The following IGSF3 variants were observed in gnomAD, a reference collection of about 807,000 sequenced individuals.
IGSF3 encodes glu-Trp-Ile EWI motif-containing protein 3.
A neutral mutation model predicts 114.4 loss-of-function variants in IGSF3; 23 were observed. The ratio of observed to expected loss-of-function variants is 0.20; its 90% CI spans 0.14 to 0.28. The LOEUF is 0.28. Among genes scored for constraint, IGSF3 ranks in the 10% least tolerant of loss-of-function variants. The pLI, the probability that IGSF3 is intolerant of heterozygous loss-of-function variation, is 1.00. For synonymous variants in IGSF3, 571 were observed against 645.2 expected, an observed-to-expected ratio of 0.88 and a Z score of 1.74; for missense variants, 1,172 against 1,591.5, an observed-to-expected ratio of 0.74 and a Z score of 4.48.
chr1:116,611,762 T>C (rs1661031666), intron 4 of IGSF3, among the ~76,000 whole-genome samples: 1 of 152,114 alleles, frequency 6.6e-6, no homozygotes, highest in Admixed American at 6.5e-5. Context: ...GCAAGAACAC[T>C]TCCTATTTCC....
chr1:116,589,000 G>A lies in IGSF3; in HGVS notation c.2134C>T (p.His712Tyr). 1.2e-6 allele frequency: 2 copies of A among 1,614,178 alleles called. No homozygotes were observed. The highest frequency in any genetic ancestry group is 1.7e-6 in the Non-Finnish European group (2 of 1,180,004). The change falls in exon 8 of 11, where the codon CAC (histidine) becomes TAC (tyrosine). Residue 712 changes from histidine to tyrosine, a missense_variant. His to Tyr is a moderately conservative substitution (Grantham distance 83). This residue lies in a region of IGSF3 where 736 missense variants were observed against 1,042.0 expected (regional missense o/e 0.71). Transcript: ENST00000369486. This position sits in a 1 kb window ranked among gnomAD's most constrained non-coding sequence, Gnocchi z 4.9. Reference protein sequence around the residue: ...SVKSQTSQNSHFAVLWYVHKP... With the variant: ...SVKSQTSQNSYFAVLWYVHKP... The stretch of plus-strand genomic sequence containing the variant: ...TGGACATACCAGAGCACCGCAAAGT[G>A]GGAGTTCTGGCTAGTCTGAGACTTG...
intron 10 of IGSF3, among the ~76,000 whole-genome samples, chr1:116,578,550 G>A (rs1006480266): frequency 2.6e-5 from 4 of 152,142 alleles, no homozygotes; most frequent in Admixed American, 6.5e-5. Context: ...ATGTGAGCAC[G>A]GGGTGATCAA....
Position 116,595,489 on chromosome 1 carries a change from A to G in IGSF3, c.2029+4452T>C, listed in dbSNP as rs923664596. Among the ~76,000 whole-genome samples the G allele has an allele frequency of 1.3e-5, 2 of 152,176 alleles. No homozygotes were observed. The highest frequency in any genetic ancestry group is 2.9e-5 in the Non-Finnish European group (2 of 68,040). Reference sequence around the variant, plus strand: ...CTCTGGACTCATGGAAGTCAAAGAAAAGCCCTCTGCTATCCCAATCTGCCG... The same window carrying G: ...CTCTGGACTCATGGAAGTCAAAGAAGAGCCCTCTGCTATCCCAATCTGCCG... On this transcript the variant is annotated intron_variant, in intron 7 of 10. Transcript: ENST00000369486. This position sits in a 1 kb window ranked among gnomAD's most constrained non-coding sequence, Gnocchi z 4.2.
Position 116,598,022 on chromosome 1 carries a change from A to G in IGSF3, c.2029+1919T>C, listed in dbSNP as rs572772989. Among the ~76,000 whole-genome samples, 2 of 152,262 alleles carry G rather than the reference A, an allele frequency of 1.3e-5. No individual in the cohort carries two copies. Among genetic ancestry groups the G allele is most frequent in the Non-Finnish European group, 2.9e-5 (2 of 68,046 alleles). ...ATATTTTTCCCTGTCTGCCTTTAGT[A>G]ACACCATAAACTAATCCAAATAATT... On this transcript the variant is annotated intron_variant, in intron 7 of 10. Transcript: ENST00000369486. The surrounding 1 kb of genome is among the most constrained non-coding windows in gnomAD (Gnocchi z 4.3).
Position 116,605,405 on chromosome 1 carries a change from T to C in IGSF3, c.1223-1380A>G, listed in dbSNP as rs1414060920. Among the ~76,000 whole-genome samples, 1 of 152,120 alleles carries C rather than the reference T, an allele frequency of 6.6e-6. No individual in the cohort carries two copies. Among genetic ancestry groups the C allele is most frequent in the African/African-American group, 2.4e-5 (1 of 41,432 alleles). On this transcript the variant is annotated intron_variant, in intron 5 of 10. Coordinates refer to ENST00000369486, the MANE Select transcript of IGSF3 (RefSeq NM_001007237.3). This position sits in a 1 kb window ranked among gnomAD's most constrained non-coding sequence, Gnocchi z 5.1. ...ATCCATTCTGGATTTGCTTGTTTTA[T>C]GTGAAAAATAAAAGGTCTGGATGGG...
rs1158662411 is a variant in IGSF3 at position 116,589,391 on chromosome 1, T to C, written c.2030-287A>G. On this transcript the variant is annotated intron_variant, in intron 7 of 10. Transcript: ENST00000369486. This position sits in a 1 kb window ranked among gnomAD's most constrained non-coding sequence, Gnocchi z 5.7. ...AAGGGTGATCCTGCTGAAATACAAA[T>C]CTAGCTATATCAGGTCTCTGCTTGA... Among the ~76,000 whole-genome samples the C allele has an allele frequency of 2.0e-5, 3 of 152,010 alleles. No homozygotes were observed. Among genetic ancestry groups the C allele is most frequent in the Non-Finnish European group, 4.4e-5 (3 of 68,000 alleles).
intron 7 of IGSF3, 86 bp downstream of exon 7, chr1:116,599,855 G>A (rs765463591): frequency 2.6e-5 from 32 of 1,236,514 alleles, no homozygotes; most frequent in Admixed American, 1.8e-4. Flanking sequence ...GGGAAGTGAC[G>A]CTAAGGGCTC....
chr1:116,641,495 C>CAAAA (rs57930787), intron 2 of IGSF3, among the ~76,000 whole-genome samples: 93 of 40,562 alleles, frequency 2.3e-3, no homozygotes, highest in African/African-American at 2.9e-3. Flanking sequence ...GACTCTGTCT[C>CAAAA]AAAAAAAAAA....
rs1040437636 is a variant in IGSF3, at chr1:116,582,178, C to A, written c.2849-2301G>T. On this transcript the variant is annotated intron_variant, in intron 9 of 10. Transcript: ENST00000369486. This position sits in a 1 kb window ranked among gnomAD's most constrained non-coding sequence, Gnocchi z 4.7. The stretch of plus-strand genomic sequence containing the variant: ...TTCCACCTTCCCACAATCTCTCTCC[C>A]CTTAACATGTTTCTCTACCAATTTA... 1.3e-5 allele frequency among the ~76,000 whole-genome samples: 2 copies of A among 152,242 alleles called. No individual in the cohort carries two copies. Among genetic ancestry groups the A allele is most frequent in the Non-Finnish European group, 2.9e-5 (2 of 68,048 alleles).
At chr1:116,639,438 T>C (rs528641133) in intron 2 of IGSF3, among the ~76,000 whole-genome samples, 8 of 152,326 alleles carry the variant, frequency 5.3e-5, no homozygotes, top group South Asian at 2.1e-4. Flanking sequence ...CTGTCCTCCC[T>C]ACTCCTAAGC....
At chr1:116,646,056 C>T (rs929855373) in intron 2 of IGSF3, among the ~76,000 whole-genome samples, 2 of 152,184 alleles carry the variant, frequency 1.3e-5, no homozygotes, top group African/African-American at 4.8e-5. Flanking sequence ...GGCCTCAGGC[C>T]TCTCACTTCC....
At position 116,598,915 on chromosome 1, in the gene IGSF3, A is replaced by C. The variant is rs1355614242; in HGVS notation, c.2029+1026T>G. ...GCCTGATGAAGGCGAGAGTGTTTGC[A>C]GAAAGCCCCACTGACTAATGCTCCC... On this transcript the variant is annotated intron_variant, in intron 7 of 10. Coordinates refer to ENST00000369486, the MANE Select transcript of IGSF3 (RefSeq NM_001007237.3). This position sits in a 1 kb window ranked among gnomAD's most constrained non-coding sequence, Gnocchi z 4.3. Among the ~76,000 whole-genome samples the C allele has an allele frequency of 1.3e-5, 2 of 152,210 alleles. No individual in the cohort carries two copies. Among genetic ancestry groups the C allele is most frequent in the African/African-American group, 2.4e-5 (1 of 41,448 alleles).
In IGSF3 at chr1:116,598,959, T is replaced by C. The variant is rs1000779721; in HGVS notation, c.2029+982A>G. Among the ~76,000 whole-genome samples, 1 of 152,212 alleles carries C rather than the reference T, an allele frequency of 6.6e-6. No homozygotes were observed. The highest frequency in any genetic ancestry group is 2.4e-5 in the African/African-American group (1 of 41,454). ...TGCTCCCCAAATTAATGCATCCTTA[T>C]GATCCGCTTTGAGACAGACTCAGCC... On this transcript the variant is annotated intron_variant, in intron 7 of 10. Transcript: ENST00000369486. This position sits in a 1 kb window ranked among gnomAD's most constrained non-coding sequence, Gnocchi z 4.3.
intron 2 of IGSF3, among the ~76,000 whole-genome samples, chr1:116,639,767 G>A (rs914966334): frequency 2.0e-5 from 3 of 152,148 alleles, no homozygotes; most frequent in Non-Finnish European, 4.4e-5. Flanking sequence ...ATCATAAGAT[G>A]ACAAAGAAAA....
rs1420192809 is a variant in IGSF3, at chr1:116,648,322, A to T, written c.43+17962T>A. On this transcript the variant is annotated intron_variant, in intron 2 of 10. Transcript: ENST00000369486. The surrounding 1 kb of genome is among the most constrained non-coding windows in gnomAD (Gnocchi z 4.7). ...CAATGCCGGCTGTCTCCCAAGTCTG[A>T]AGGGTTTTCCTCTGGGTATTAGGAG... 6.6e-6 allele frequency among the ~76,000 whole-genome samples: 1 copy of T among 152,188 alleles called. No homozygotes were observed. The highest frequency in any genetic ancestry group is 1.9e-4 in the East Asian group (1 of 5,192).
chr1:116,626,419 T>C (rs1031046536), intron 2 of IGSF3, among the ~76,000 whole-genome samples: 1 of 152,194 alleles, frequency 6.6e-6, no homozygotes, highest in African/African-American at 2.4e-5. Context: ...TTCCTCTTTA[T>C]ATAGCTGCAC....
rs960833661 is a variant in IGSF3 at position 116,579,336 on chromosome 1, T to C, written c.3334+56A>G. ...CCCATAATCAAGCTCAAATTTATCTTCCAGACACAGTTGGAACCAACAGTG... is the reference window on the plus strand; with the variant it reads ...CCCATAATCAAGCTCAAATTTATCTCCCAGACACAGTTGGAACCAACAGTG... On this transcript the variant is annotated intron_variant, in intron 10 of 10. Transcript: ENST00000369486. The surrounding 1 kb of genome is among the most constrained non-coding windows in gnomAD (Gnocchi z 6.4). The C allele has an allele frequency of 2.5e-5, 38 of 1,512,642 alleles. No individual in the cohort carries two copies. The African/African-American group carries it at 4.7e-4, about 19-fold the overall frequency. The allele number at this position is 1,512,642 out of a possible 1,614,324, so 93.7% of individuals were successfully genotyped here. A position where few individuals can be genotyped will look rare whatever the true frequency, so the allele number is the denominator to read the frequency against.
rs772176873 is a variant in IGSF3 at position 116,579,837 on chromosome 1, C to G, written c.2889G>C (p.Thr963=). The G allele has an allele frequency of 2.5e-6, 4 of 1,612,042 alleles. No homozygotes were observed. Among genetic ancestry groups the G allele is most frequent in the South Asian group, 1.1e-5 (1 of 91,056 alleles). The part of the protein sequence containing the change: ...LQVDTVVPNA[T]VSEKAAFQLD... ...GCTGGAAAGCTGCCTTCTCAGAGAC[C>G]GTGGCATTGGGGACCACTGTGTCCA... The change falls in exon 10 of 11, where the codon ACG becomes ACC. Residue 963 remains threonine (T), a synonymous_variant. Transcript: ENST00000369486. The surrounding 1 kb of genome is among the most constrained non-coding windows in gnomAD (Gnocchi z 6.4).
Position 116,642,253 on chromosome 1 carries a change from A to AT in IGSF3, c.43+24030dup, listed in dbSNP as rs1648142113. 6.6e-6 allele frequency among the ~76,000 whole-genome samples: 1 copy of AT among 152,174 alleles called. No homozygotes were observed. The highest frequency in any genetic ancestry group is 2.4e-5 in the African/African-American group (1 of 41,446). ...CTCTTATTAGAAAAAAAAACACGAAATTTTTTGGTAAAAGAATTATCCTTA... is the reference window on the plus strand; with the variant it reads ...CTCTTATTAGAAAAAAAAACACGAAATTTTTTTGGTAAAAGAATTATCCTTA... On this transcript the variant is annotated intron_variant, in intron 2 of 10. Transcript: ENST00000369486. This position sits in a 1 kb window ranked among gnomAD's most constrained non-coding sequence, Gnocchi z 5.4.
Sources: gnomAD v4.1 joint callset for allele counts (sites outside exome capture counted in the v4.1 genomes callset) on GRCh38, gnomAD v4.1.1 for gene constraint, gnomAD v4.1.1 regional missense constraint, Gnocchi (gnomAD v3.1) non-coding constraint, MANE v1.5 for transcripts, NCBI Gene and HGNC (gene_info 2026-07-23, HGNC 2026-07-21) for gene names.